Variants in SMYD3 observed in about 807,000 individuals in gnomAD.
SMYD3 encodes the protein histone-lysine N-methyltransferase SMYD3.
Under a neutral mutation model 57.7 loss-of-function variants are expected in SMYD3, and 36 were observed. That is an observed-to-expected ratio of 0.62 (90% CI 0.48 to 0.82). The LOEUF is 0.82. Ranked by LOEUF, SMYD3 falls within the 40% of genes least tolerant of loss-of-function variation. The pLI is 0.00. For missense variants in SMYD3, 515 were observed against 538.8 expected, an observed-to-expected ratio of 0.96 and a Z score of 0.44; for synonymous variants, 211 against 195.0, an observed-to-expected ratio of 1.08 and a Z score of -0.68.
At chr1:246,406,049 G>T (rs1379900137) in intron 1 of SMYD3, among the ~76,000 whole-genome samples, 1 of 151,812 alleles carries the variant, frequency 6.6e-6, no homozygotes, top group South Asian at 2.1e-4. Context: ...GCAACAGTCT[G>T]TTAATTATTC....
intron 5 of SMYD3, among the ~76,000 whole-genome samples, chr1:246,105,597 A>G (rs1029624868): frequency 2.0e-5 from 3 of 152,212 alleles, no homozygotes; most frequent in African/African-American, 7.2e-5. Flanking sequence ...AAGACTAAAG[A>G]GCATGTTGTA....
At chr1:246,225,623 A>G (rs2063320389) in intron 5 of SMYD3, among the ~76,000 whole-genome samples, 1 of 149,502 alleles carries the variant, frequency 6.7e-6, no homozygotes, top group Non-Finnish European at 1.5e-5. Flanking sequence ...ACGGAAAGAC[A>G]GTGTCTCTGG....
chr1:246,419,163 C>T (rs1460709599), intron 1 of SMYD3, among the ~76,000 whole-genome samples: 1 of 152,192 alleles, frequency 6.6e-6, no homozygotes, highest in African/African-American at 2.4e-5. Context: ...AACTCCACCG[C>T]CTATCTCTAT....
chr1:246,498,960 TTTTG>T (rs1473796312), intron 1 of SMYD3, among the ~76,000 whole-genome samples: 2 of 151,356 alleles, frequency 1.3e-5, no homozygotes, highest in Non-Finnish European at 2.9e-5. Context: ...CCAGATAATT[TTTTG>T]TTTTTTTTTT....
intron 1 of SMYD3, among the ~76,000 whole-genome samples, chr1:246,365,349 G>C (rs1181392091): frequency 6.6e-6 from 1 of 151,228 alleles, no homozygotes; most frequent in Non-Finnish European, 1.5e-5. Context: ...TAAAAAATTA[G>C]CCAGGCATGG....
intron 5 of SMYD3, among the ~76,000 whole-genome samples, chr1:246,097,109 C>T (rs207461397): frequency 1.3e-5 from 2 of 152,144 alleles, no homozygotes; most frequent in African/African-American, 2.4e-5. Context: ...GCACAAAACA[C>T]GTGAAAAATA....
intron 1 of SMYD3, among the ~76,000 whole-genome samples, chr1:246,369,335 T>G (rs1242134673): frequency 2.6e-5 from 4 of 152,180 alleles, no homozygotes; most frequent in African/African-American, 7.2e-5. Context: ...AATTCAGAAT[T>G]TTATAAACCT....
intron 5 of SMYD3, among the ~76,000 whole-genome samples, chr1:246,147,176 G>A (rs1026605735): frequency 3.5e-5 from 4 of 114,348 alleles, no homozygotes; most frequent in African/African-American, 1.0e-4. Context: ...TGTAAACAAC[G>A]CTGCCCCGGC....
At chr1:246,046,584 C>T (rs1306549114) in intron 5 of SMYD3, among the ~76,000 whole-genome samples, 6 of 150,748 alleles carry the variant, frequency 4.0e-5, no homozygotes, top group Non-Finnish European at 8.9e-5. Context: ...TGTAACAAAC[C>T]TGCACGTTGT....
chr1:246,481,135 G>T (rs1055439163), intron 1 of SMYD3, among the ~76,000 whole-genome samples: 1 of 152,052 alleles, frequency 6.6e-6, no homozygotes, highest in Non-Finnish European at 1.5e-5. Context: ...AACTAACAGA[G>T]AAAGAGCAAT....
At chr1:245,755,144 A>G (rs2045555678) in intron 11 of SMYD3, among the ~76,000 whole-genome samples, 1 of 152,250 alleles carries the variant, frequency 6.6e-6, no homozygotes, top group African/African-American at 2.4e-5. Flanking sequence ...GGGCAACCCA[A>G]GTCCCAATGT....
intron 5 of SMYD3, chr1:245,955,892 G>A: frequency 1.1e-6 from 1 of 946,446 alleles, no homozygotes; most frequent in Non-Finnish European, 1.2e-6. Context: ...TTTTTTTTTG[G>A]CTCAACATTA....
chr1:246,331,070 G>C (rs1196303886), intron 3 of SMYD3, among the ~76,000 whole-genome samples: 1 of 152,214 alleles, frequency 6.6e-6, no homozygotes, highest in Non-Finnish European at 1.5e-5. Flanking sequence ...AGCAGTTCAA[G>C]CTTGCAATGA....
intron 5 of SMYD3, among the ~76,000 whole-genome samples, chr1:246,133,457 T>G (rs999689790): frequency 6.6e-6 from 1 of 152,118 alleles, no homozygotes; most frequent in African/African-American, 2.4e-5. Context: ...TCTAAAGACC[T>G]GAGTGTTGTT....
intron 5 of SMYD3, among the ~76,000 whole-genome samples, chr1:246,088,502 C>G (rs1006631040): frequency 7.7e-6 from 1 of 130,408 alleles, no homozygotes; most frequent in African/African-American, 3.7e-5. Flanking sequence ...CCCAGCTACT[C>G]GGGAGGCTGA....
At chr1:246,428,225 C>T (rs1419880698) in intron 1 of SMYD3, among the ~76,000 whole-genome samples, 1 of 152,082 alleles carries the variant, frequency 6.6e-6, no homozygotes, top group Non-Finnish European at 1.5e-5. Context: ...TTTTAGAGTT[C>T]CTTTAACCTA....
intron 5 of SMYD3, among the ~76,000 whole-genome samples, chr1:245,969,483 C>T (rs1572813807): frequency 6.6e-6 from 1 of 152,220 alleles, no homozygotes; most frequent in Non-Finnish European, 1.5e-5. Context: ...TTGTCTGACC[C>T]TGTTTTCAGT....
intron 1 of SMYD3, among the ~76,000 whole-genome samples, chr1:246,404,364 T>C (rs1444249386): frequency 6.6e-6 from 1 of 152,200 alleles, no homozygotes. Context: ...TTGAGTCAGT[T>C]CAGCTGAACC....
intron 10 of SMYD3, among the ~76,000 whole-genome samples, chr1:245,784,596 A>G (rs954904662): frequency 6.6e-6 from 1 of 152,172 alleles, no homozygotes; most frequent in African/African-American, 2.4e-5. Context: ...AGCAGGGACT[A>G]TCAACAAGAG....
Sources: gnomAD v4.1 joint callset for allele counts (sites outside exome capture counted in the v4.1 genomes callset) on GRCh38, gnomAD v4.1.1 for gene constraint, MANE v1.5 for transcripts, NCBI Gene and HGNC (gene_info 2026-07-23, HGNC 2026-07-21) for gene names.